Variants in ARB2A observed in about 807,000 individuals in gnomAD.
ARB2A encodes ARB2 cotranscriptional regulator A.
chr5:93,688,220 T>A, the ARB2A span, among the ~76,000 whole-genome samples: 2 of 152,196 alleles, frequency 1.3e-5, no homozygotes, highest in African/African-American at 4.8e-5. Flanking sequence ...GTGATCCACC[T>A]GCCTCGGCCT....
At chr5:93,953,833 C>T in the ARB2A span, among the ~76,000 whole-genome samples, 1 of 152,044 alleles carries the variant, frequency 6.6e-6, no homozygotes, top group Non-Finnish European at 1.5e-5. Flanking sequence ...GCTAAGCACC[C>T]GAGACACAAG....
chr5:93,654,987 C>CACA, the ARB2A span, among the ~76,000 whole-genome samples: 1 of 152,182 alleles, frequency 6.6e-6, no homozygotes, highest in Non-Finnish European at 1.5e-5. Context: ...GCACCCTGGA[C>CACA]TTGTAAACAT....
the ARB2A span, among the ~76,000 whole-genome samples, chr5:94,067,177 G>GA: frequency 6.6e-6 from 1 of 152,024 alleles, no homozygotes; most frequent in African/African-American, 2.4e-5. Context: ...AGTAGGCATT[G>GA]AAAAAATATA....
chr5:93,853,014 G>A, the ARB2A span, among the ~76,000 whole-genome samples: 1 of 152,146 alleles, frequency 6.6e-6, no homozygotes, highest in African/African-American at 2.4e-5. Context: ...GTAGCTTGAT[G>A]GGGATGGCAT....
the ARB2A span, among the ~76,000 whole-genome samples, chr5:94,059,897 G>A: frequency 6.6e-6 from 1 of 152,018 alleles, no homozygotes; most frequent in Non-Finnish European, 1.5e-5. Context: ...AAGTTCTTTG[G>A]GTTGAGGCAA....
the ARB2A span, among the ~76,000 whole-genome samples, chr5:93,877,023 C>G: frequency 6.6e-6 from 1 of 152,150 alleles, no homozygotes; most frequent in African/African-American, 2.4e-5. Context: ...TTAAGCATCT[C>G]TATGTGCAAT....
At chr5:93,688,972 T>C in the ARB2A span, among the ~76,000 whole-genome samples, 6 of 152,246 alleles carry the variant, frequency 3.9e-5, 1 homozygote, top group Non-Finnish European at 7.3e-5. Flanking sequence ...ACAGCTAGAC[T>C]GTTCACTGAA....
At chr5:93,681,673 T>C in the ARB2A span, among the ~76,000 whole-genome samples, 1 of 152,194 alleles carries the variant, frequency 6.6e-6, no homozygotes, top group Admixed American at 6.5e-5. Context: ...AAGTATATAT[T>C]TTCTGCCCCT....
chr5:93,823,172 A>G, the ARB2A span, among the ~76,000 whole-genome samples: 1 of 152,212 alleles, frequency 6.6e-6, no homozygotes, highest in Non-Finnish European at 1.5e-5. Flanking sequence ...ACTTCCTGTA[A>G]CATAAGAGAT....
chr5:94,110,164 C>G, the ARB2A span, among the ~76,000 whole-genome samples: 4 of 152,126 alleles, frequency 2.6e-5, no homozygotes, highest in Admixed American at 2.6e-4. Context: ...GGATTACAGG[C>G]GTGAGCCACC....
At chr5:93,709,713 A>G in the ARB2A span, among the ~76,000 whole-genome samples, 1 of 150,106 alleles carries the variant, frequency 6.7e-6, no homozygotes, top group East Asian at 2.0e-4. Flanking sequence ...ATTTAGTTTT[A>G]TTGTGTTACA....
the ARB2A span, among the ~76,000 whole-genome samples, chr5:93,714,750 A>G: frequency 6.6e-6 from 1 of 152,162 alleles, no homozygotes; most frequent in Non-Finnish European, 1.5e-5. Context: ...GGCTCCACAT[A>G]GTCTCCTGGT....
the ARB2A span, among the ~76,000 whole-genome samples, chr5:94,059,635 A>T: frequency 6.6e-6 from 1 of 150,774 alleles, no homozygotes; most frequent in Non-Finnish European, 1.5e-5. Context: ...AAAAAAAAAA[A>T]AAAAAGATAA....
chr5:93,733,841 T>A, the ARB2A span: 1 of 152,204 alleles, frequency 6.6e-6, no homozygotes, highest in African/African-American at 2.4e-5. Context: ...CAGTTTGACA[T>A]AAATAACACC....
the ARB2A span, among the ~76,000 whole-genome samples, chr5:93,665,035 C>A: frequency 6.6e-6 from 1 of 152,086 alleles, no homozygotes; most frequent in East Asian, 1.9e-4. Flanking sequence ...CCATGTTGCC[C>A]AGGCTGATAT....
chr5:93,763,724 C>T, the ARB2A span, among the ~76,000 whole-genome samples: 1 of 152,166 alleles, frequency 6.6e-6, no homozygotes, highest in Non-Finnish European at 1.5e-5. Flanking sequence ...AACTCTCCAC[C>T]CCAAATCAAC....
the ARB2A span, among the ~76,000 whole-genome samples, chr5:93,759,588 T>C: frequency 1.3e-5 from 2 of 152,168 alleles, no homozygotes; most frequent in African/African-American, 4.8e-5. Context: ...AGGGATGGTT[T>C]AACATATGCA....
At chr5:94,005,886 T>C in the ARB2A span, among the ~76,000 whole-genome samples, 1 of 152,142 alleles carries the variant, frequency 6.6e-6, no homozygotes, top group Non-Finnish European at 1.5e-5. Flanking sequence ...CAACATCAAA[T>C]GATGCTGAGG....
chr5:93,711,205 G>T, the ARB2A span, among the ~76,000 whole-genome samples: 279 of 127,346 alleles, frequency 2.2e-3, no homozygotes, highest in Middle Eastern at 0.016. Context: ...TTTTTTTTTT[G>T]TTTTTTTTTT....
Sources: gnomAD v4.1 joint callset for allele counts (sites outside exome capture counted in the v4.1 genomes callset) on GRCh38, gnomAD v4.1.1 for gene constraint, MANE v1.5 for transcripts, NCBI Gene and HGNC (gene_info 2026-07-23, HGNC 2026-07-21) for gene names.